LRBA: variants seen among roughly 807,000 people sequenced by gnomAD.
LRBA encodes the protein LPS responsive beige-like anchor protein.
LRBA carries 176 observed loss-of-function variants against 330.0 expected under a neutral mutation model. The ratio of observed to expected loss-of-function variants is 0.53; its 90% CI spans 0.47 to 0.60. The LOEUF (loss-of-function observed/expected upper bound fraction) is 0.60. Ranked by LOEUF, LRBA falls within the 20% of genes least tolerant of loss-of-function variation. The pLI is 0.00. For missense variants in LRBA, 3,259 were observed against 3,444.8 expected (o/e 0.95, Z 1.35); for synonymous variants, 1,230 against 1,193.0 (o/e 1.03, Z -0.64).
At chr4:150,828,138 C>A in intron 30 of LRBA, 42 bp downstream of exon 30, 1 of 1,573,178 alleles carries the variant, frequency 6.4e-7, no homozygotes, top group South Asian at 1.1e-5. Flanking sequence ...GTTCAAGGGT[C>A]AGATGTAGAA....
Position 150,614,052 on chromosome 4 carries a change from C to G in LRBA, c.5922-14921G>C, listed in dbSNP as rs117808930. Among the ~76,000 whole-genome samples the G allele has an allele frequency of 1.8e-3, 273 of 152,374 alleles. 6 individuals are homozygous for G. The East Asian group carries it at 0.042, about 23-fold the overall frequency. On this transcript the variant is annotated intron_variant, in intron 37 of 56. Transcript: ENST00000651943. ...ACTCTCACATCTGCGCAGATCCACA[C>G]TAACCCTTGAAAAGCATGCCATTCT... is the stretch of plus-strand genomic sequence containing the variant.
chr4:150,622,501 C>T (rs1776391825), intron 37 of LRBA, among the ~76,000 whole-genome samples: 1 of 152,076 alleles, frequency 6.6e-6, no homozygotes, highest in Non-Finnish European at 1.5e-5. Flanking sequence ...TGTGCCACTG[C>T]ACACCAGCCT....
intron 38 of LRBA, among the ~76,000 whole-genome samples, chr4:150,592,915 T>A (rs558226404): frequency 6.6e-6 from 1 of 152,266 alleles, no homozygotes; most frequent in South Asian, 2.1e-4. Context: ...ATTACAGGCG[T>A]AAGTCATCTC....
intron 17 of LRBA, among the ~76,000 whole-genome samples, chr4:150,889,714 A>G (rs1267071482): frequency 6.6e-6 from 1 of 152,200 alleles, no homozygotes; most frequent in Non-Finnish European, 1.5e-5. Flanking sequence ...CCACAAAACC[A>G]GTCCCTGGTG....
At chr4:150,588,008 T>A in intron 40 of LRBA, 40 bp downstream of exon 40, 2 of 1,596,716 alleles carry the variant, frequency 1.3e-6, no homozygotes, top group Non-Finnish European at 1.7e-6. Flanking sequence ...GCACCCACCA[T>A]CCCATCATAA....
At chr4:150,318,253 G>C (rs536187002) in intron 50 of LRBA, among the ~76,000 whole-genome samples, 1 of 152,086 alleles carries the variant, frequency 6.6e-6, no homozygotes, top group East Asian at 1.9e-4. Context: ...TTAGAAACTA[G>C]AAAAATGCTC....
chr4:150,882,411 T>A (rs1416856890), intron 17 of LRBA, among the ~76,000 whole-genome samples: 1 of 152,166 alleles, frequency 6.6e-6, no homozygotes, highest in Non-Finnish European at 1.5e-5. Flanking sequence ...AAAAATCCTG[T>A]AGTGCTTCAA....
chr4:150,299,876 T>C (rs972105503), intron 53 of LRBA, among the ~76,000 whole-genome samples: 1 of 152,084 alleles, frequency 6.6e-6, no homozygotes, highest in Non-Finnish European at 1.5e-5. Context: ...ATTATATGTA[T>C]ATACACGCTT....
chr4:150,814,220 A>G (rs1415372464), intron 31 of LRBA, among the ~76,000 whole-genome samples: 2 of 152,082 alleles, frequency 1.3e-5, no homozygotes, highest in African/African-American at 4.8e-5. Context: ...ACTTAAATCG[A>G]GAGACCCACC....
At chr4:150,481,480 G>T (rs1385331437) in intron 42 of LRBA, among the ~76,000 whole-genome samples, 2 of 151,828 alleles carry the variant, frequency 1.3e-5, no homozygotes, top group African/African-American at 4.8e-5. Flanking sequence ...GATGAGATTT[G>T]AATATATATA....
chr4:150,626,758 G>A (rs759777318), intron 37 of LRBA, among the ~76,000 whole-genome samples: 2 of 151,992 alleles, frequency 1.3e-5, no homozygotes, highest in African/African-American at 4.8e-5. Flanking sequence ...AATTGCTTCT[G>A]TTTAAACACT....
intron 2 of LRBA, among the ~76,000 whole-genome samples, chr4:150,996,961 A>C (rs1184327958): frequency 6.6e-6 from 1 of 152,088 alleles, no homozygotes; most frequent in Non-Finnish European, 1.5e-5. Context: ...TTATCAGCAG[A>C]CTCAGATATA....
chr4:150,996,926 A>G (rs1470210093), intron 2 of LRBA, among the ~76,000 whole-genome samples: 2 of 152,242 alleles, frequency 1.3e-5, no homozygotes, highest in African/African-American at 4.8e-5. Flanking sequence ...GGAAAAAATA[A>G]AATAATCCCG....
chr4:150,516,796 T>C lies in LRBA; in HGVS notation c.6331-25761A>G, dbSNP rs907981837. On this transcript the variant is annotated intron_variant, in intron 40 of 56. Transcript: ENST00000651943. ...AGAAGCATGAAATGTAAAATCCCTT[T>C]GGAAAGTAATCCAAAATTATTTATC... 4.6e-5 allele frequency among the ~76,000 whole-genome samples: 7 copies of C among 152,276 alleles called. No individual in the cohort carries two copies. In the East Asian group the frequency reaches 1.4e-3, roughly 29 times the overall value.
chr4:150,713,566 A>G (rs941464043), intron 36 of LRBA, among the ~76,000 whole-genome samples: 3 of 152,342 alleles, frequency 2.0e-5, no homozygotes, highest in African/African-American at 7.2e-5. Context: ...AACGTGGCAA[A>G]GTATAATGAA....
At chr4:150,274,609 G>A (rs143838236) in intron 56 of LRBA, among the ~76,000 whole-genome samples, 10 of 151,962 alleles carry the variant, frequency 6.6e-5, no homozygotes, top group African/African-American at 2.4e-4. Flanking sequence ...ATGATAAAGG[G>A]GTTATCACCA....
chr4:150,279,333 C>G (rs1747212400), intron 55 of LRBA, among the ~76,000 whole-genome samples: 1 of 152,306 alleles, frequency 6.6e-6, no homozygotes, highest in Admixed American at 6.5e-5. Context: ...CTGCCTGGTA[C>G]CTCCAAGCCT....
At chr4:150,576,908 T>C (rs1357787391) in intron 40 of LRBA, among the ~76,000 whole-genome samples, 2 of 151,882 alleles carry the variant, frequency 1.3e-5, no homozygotes, top group Non-Finnish European at 2.9e-5. Context: ...AACAATACCC[T>C]TGGGTTACTA....
intron 37 of LRBA, among the ~76,000 whole-genome samples, chr4:150,663,143 G>T (rs1192429745): frequency 6.6e-6 from 1 of 152,172 alleles, no homozygotes; most frequent in African/African-American, 2.4e-5. Flanking sequence ...TTCAGACCTT[G>T]ATATAAAATT....
Sources: allele counts gnomAD v4.1 joint callset (sites outside exome capture counted in the v4.1 genomes callset), GRCh38; gene constraint gnomAD v4.1.1; transcripts MANE v1.5; gene names NCBI Gene and HGNC (gene_info 2026-07-23, HGNC 2026-07-21).